Variants in MMEL1 observed in about 807,000 individuals in gnomAD.
MMEL1 encodes membrane metalloendopeptidase like 1, also known as membrane metallo-endopeptidase-like 1.
MMEL1 carries 98 observed loss-of-function variants against 117.1 expected under a neutral mutation model. The ratio of observed to expected loss-of-function variants is 0.84; its 90% CI spans 0.71 to 0.99. The LOEUF (loss-of-function observed/expected upper bound fraction) is 0.99. Ranked by LOEUF, MMEL1 falls within the 50% of genes least tolerant of loss-of-function variation. The pLI is 0.00. For synonymous variants in MMEL1, 390 were observed against 415.1 expected, an observed-to-expected ratio of 0.94 and a Z score of 0.74; for missense variants, 1,014 against 1,049.1, an observed-to-expected ratio of 0.97 and a Z score of 0.46.
chr1:2,627,654 A>T (rs1638336135), intron 2 of MMEL1, among the ~76,000 whole-genome samples: 1 of 152,254 alleles, frequency 6.6e-6, no homozygotes, highest in African/African-American at 2.4e-5. Flanking sequence ...AAGTAACTAA[A>T]AACTCATGTC....
chr1:2,629,291 C>A (rs766641680), intron 2 of MMEL1, 40 bp downstream of exon 2: 5 of 1,508,078 alleles, frequency 3.3e-6, no homozygotes, highest in Non-Finnish European at 4.4e-6. Context: ...GCGCGGAGAG[C>A]GGGCACGGGG....
At chr1:2,605,686 C>T (rs1645013023) in intron 8 of MMEL1, 63 bp from the exon 9 acceptor site, 3 of 1,290,806 alleles carry the variant, frequency 2.3e-6, no homozygotes, top group South Asian at 2.4e-5. Flanking sequence ...CTGGCTGAGG[C>T]AGGCTGCAGC....
At chr1:2,592,379 C>T (rs140073157) in intron 21 of MMEL1, among the ~76,000 whole-genome samples, 8,490 of 66,398 alleles carry the variant, frequency 0.13, 1,401 homozygotes, top group South Asian at 0.21. Flanking sequence ...TGTGCTGGCA[C>T]CCCCTCCCCT....
intron 2 of MMEL1, among the ~76,000 whole-genome samples, chr1:2,619,160 A>G (rs1645251478): frequency 6.6e-6 from 1 of 152,130 alleles, no homozygotes; most frequent in African/African-American, 2.4e-5. Context: ...CTGCGCAGGA[A>G]TGCTTGCTGG....
intron 10 of MMEL1, 28 bp downstream of exon 10, chr1:2,604,119 C>CCCA: frequency 6.0e-6 from 9 of 1,510,086 alleles, no homozygotes; most frequent in African/African-American, 1.4e-5. Flanking sequence ...ACTCGCTGCC[C>CCCA]GCTCCCCACC....
intron 5 of MMEL1, 87 bp downstream of exon 5, chr1:2,609,583 G>A: frequency 2.6e-6 from 4 of 1,545,890 alleles, no homozygotes; most frequent in Non-Finnish European, 3.5e-6. Context: ...AGCACAAACA[G>A]GGGCGAGACA....
intron 23 of MMEL1, chr1:2,591,294 T>G (rs918881199): frequency 3.4e-6 from 2 of 596,362 alleles, no homozygotes; most frequent in Admixed American, 3.0e-5. Context: ...CAGCCAGAGA[T>G]ATTCCAACTC....
intron 6 of MMEL1, among the ~76,000 whole-genome samples, chr1:2,607,300 G>A (rs1570680017): frequency 6.6e-6 from 1 of 152,238 alleles, no homozygotes; most frequent in African/African-American, 2.4e-5. Flanking sequence ...GGACACGGGC[G>A]TGAAAGGAGA....
Position 2,612,037 on chromosome 1 carries a change from C to A in MMEL1, c.232+90G>T, listed in dbSNP as rs1645137930. 3 of 1,171,764 alleles carry A rather than the reference C, an allele frequency of 2.6e-6. No homozygotes were observed. The highest frequency in any genetic ancestry group is 2.5e-6 in the Non-Finnish European group (2 of 804,794). The allele number at this position is 1,171,764 out of a possible 1,614,324, so 72.6% of individuals were successfully genotyped here. ...CCGGCACATGAGGGTTGGGCAGAAC[C>A]CAGCCCCTGCCCCTCCACGGAGTCC... On this transcript the variant is annotated intron_variant, in intron 3 of 23. Transcript: ENST00000378412. The surrounding 1 kb of genome is among the most constrained non-coding windows in gnomAD (Gnocchi z 5.4).
At position 2,592,832 on chromosome 1, in the gene MMEL1, C is replaced by T. The variant is rs772972972; in HGVS notation, c.2001+1G>A. Reference sequence around the variant, plus strand: ...GCCTGGGTGCTGGTGGCAGCGCTCACGTTCTGTTCGTCTGCCAGGTCCCAG... The same window carrying T: ...GCCTGGGTGCTGGTGGCAGCGCTCATGTTCTGTTCGTCTGCCAGGTCCCAG... On this transcript the variant is annotated splice_donor_variant, in intron 20 of 23. Transcript: ENST00000378412. LOFTEE classifies it high-confidence loss of function. 13 of 1,613,414 alleles carry T rather than the reference C, an allele frequency of 8.1e-6. No homozygotes were observed. The highest frequency in any genetic ancestry group is 6.6e-5 in the South Asian group (6 of 91,054).
At chr1:2,632,455 G>A (rs1638636257) in intron 1 of MMEL1, 2 of 152,366 alleles carry the variant, frequency 1.3e-5, no homozygotes, top group African/African-American at 4.8e-5. Context: ...TCTTTGGTCA[G>A]AATTAATGAA....
intron 9 of MMEL1, among the ~76,000 whole-genome samples, chr1:2,604,625 TGTGGGTGCCAGGGTG>T (rs1644992125): frequency 6.6e-6 from 1 of 151,460 alleles, no homozygotes; most frequent in South Asian, 2.1e-4. Flanking sequence ...CTGCCGGGGC[TGTGGGTGCCAGGGTG>T]GTGGGTGCCG....
chr1:2,620,894 A>G (rs1319040984), intron 2 of MMEL1, among the ~76,000 whole-genome samples: 1 of 152,194 alleles, frequency 6.6e-6, no homozygotes, highest in Non-Finnish European at 1.5e-5. Flanking sequence ...TTAACCTGAA[A>G]AACGAGTTCA....
At chr1:2,608,184 C>T (rs1645060537) in intron 6 of MMEL1, among the ~76,000 whole-genome samples, 1 of 152,108 alleles carries the variant, frequency 6.6e-6, no homozygotes, top group South Asian at 2.1e-4. Context: ...GAGACGCCCC[C>T]TAAAGCCAGG....
rs563921809 is a variant in MMEL1, at chr1:2,630,697, G to A, written c.-37-1176C>T. The stretch of plus-strand genomic sequence containing the variant: ...TATGCACGTGTGTGCGTGTACACTC[G>A]TGTGTGCACGTGTGTGACTGTGTGA... On this transcript the variant is annotated intron_variant, in intron 1 of 23. Coordinates refer to ENST00000378412, the MANE Select transcript of MMEL1 (RefSeq NM_033467.4). Among the ~76,000 whole-genome samples, 3 of 144,918 alleles carry A rather than the reference G, an allele frequency of 2.1e-5. No homozygotes were observed. In the South Asian group the frequency reaches 6.2e-4, roughly 30 times the overall value.
chr1:2,617,772 G>A (rs1460277278), intron 2 of MMEL1, among the ~76,000 whole-genome samples: 1 of 152,140 alleles, frequency 6.6e-6, no homozygotes, highest in Non-Finnish European at 1.5e-5. Flanking sequence ...AGCAAAAACA[G>A]TGAGACCCTT....
rs373735825 is a variant in MMEL1, at chr1:2,598,715, C to G, written c.1117G>C (p.Val373Leu). The G allele has an allele frequency of 6.2e-7, 1 of 1,614,112 alleles. No homozygotes were observed. The highest frequency in any genetic ancestry group is 8.5e-7 in the Non-Finnish European group (1 of 1,180,006). ...KIKLLPDEEV[V>L]VYGIPYLQNL... The stretch of plus-strand genomic sequence containing the variant: ...TGCAGGTAGGGGATGCCATAGACCA[C>G]CACTTCCTCATCTGGCAGCAGCTTG... The change falls in exon 12 of 24, where the codon GTG becomes CTG. Residue 373 changes from valine to leucine, a missense_variant. Physicochemically the swap from Val to Leu is conservative, Grantham distance 32. Transcript: ENST00000378412.
chr1:2,593,451 C>T (rs951247840), intron 19 of MMEL1, among the ~76,000 whole-genome samples: 12 of 152,200 alleles, frequency 7.9e-5, no homozygotes, highest in African/African-American at 2.4e-4. Context: ...GCACACCCCC[C>T]GGTGGAGGAT....
In MMEL1 at chr1:2,590,964, G is replaced by A. The variant is rs897553637; in HGVS notation, c.*26C>T. 2.0e-6 allele frequency: 3 copies of A among 1,497,882 alleles called. No individual in the cohort carries two copies. Among genetic ancestry groups the A allele is most frequent in the Non-Finnish European group, 2.7e-6 (3 of 1,117,074 alleles). 92.8% of individuals were successfully genotyped at this position (1,497,882 alleles called of 1,614,324 possible). On this transcript the variant is annotated 3_prime_UTR_variant, in exon 24 of 24. Coordinates refer to ENST00000378412, the MANE Select transcript of MMEL1 (RefSeq NM_033467.4). ...TGCCTCCGAGCAGCGGGTGGGCGTG[G>A]GCCGCACAGCGCGGCAGGGCCTTGG... is the stretch of plus-strand genomic sequence containing the variant.
Sources: allele counts gnomAD v4.1 joint callset (sites outside exome capture counted in the v4.1 genomes callset), GRCh38; gene constraint gnomAD v4.1.1; non-coding constraint Gnocchi (gnomAD v3.1); transcripts MANE v1.5; gene names NCBI Gene and HGNC (gene_info 2026-07-23, HGNC 2026-07-21).